The following GALNTL6 variants were observed in gnomAD, a reference collection of about 807,000 sequenced individuals.
The protein encoded by GALNTL6 is polypeptide N-acetylgalactosaminyltransferase-like 6.
Under a neutral mutation model 73.7 loss-of-function variants are expected in GALNTL6, and 46 were observed. That is an observed-to-expected ratio of 0.62 (90% CI 0.49 to 0.80). GALNTL6 has a LOEUF of 0.80. Ranked by LOEUF, GALNTL6 falls within the 30% of genes least tolerant of loss-of-function variation. The pLI is 0.00. For synonymous variants in GALNTL6, 259 were observed against 263.7 expected (o/e 0.98, Z 0.17); for missense variants, 604 against 755.0 (o/e 0.80, Z 2.34).
chr4:172,856,897 T>C (rs915030775), intron 7 of GALNTL6, among the ~76,000 whole-genome samples: 1 of 152,210 alleles, frequency 6.6e-6, no homozygotes, highest in Admixed American at 6.5e-5. Flanking sequence ...TTACCCTCCA[T>C]AATAGTGTAA....
intron 3 of GALNTL6, among the ~76,000 whole-genome samples, chr4:172,298,391 G>T (rs1037807424): frequency 9.9e-5 from 15 of 152,068 alleles, no homozygotes; most frequent in African/African-American, 1.9e-4. Flanking sequence ...CAACACTATG[G>T]TGAATAGGAG....
chr4:172,014,088 A>T (rs766677133), intron 2 of GALNTL6, among the ~76,000 whole-genome samples: 3 of 152,100 alleles, frequency 2.0e-5, no homozygotes, highest in Non-Finnish European at 4.4e-5. Flanking sequence ...TCCATTGTGC[A>T]TATATGCCAC....
At chr4:172,639,508 A>G (rs1021904970) in intron 5 of GALNTL6, among the ~76,000 whole-genome samples, 1 of 152,200 alleles carries the variant, frequency 6.6e-6, no homozygotes, top group Non-Finnish European at 1.5e-5. Flanking sequence ...ATTAAAAAAT[A>G]CATAAGCAAA....
At chr4:173,034,277 C>T (rs1039997490) in intron 12 of GALNTL6, among the ~76,000 whole-genome samples, 3 of 152,186 alleles carry the variant, frequency 2.0e-5, no homozygotes, top group Non-Finnish European at 4.4e-5. Context: ...ATCCCTCCTC[C>T]ATCTTCCTCA....
At chr4:172,042,864 TAAAAAAA>T (rs397996272) in intron 2 of GALNTL6, among the ~76,000 whole-genome samples, 6 of 44,400 alleles carry the variant, frequency 1.4e-4, no homozygotes, top group African/African-American at 1.7e-4. Flanking sequence ...TCTTTAACAG[TAAAAAAA>T]AAAAAAAAAA....
chr4:172,078,313 C>T (rs780066617), intron 2 of GALNTL6, among the ~76,000 whole-genome samples: 1 of 152,158 alleles, frequency 6.6e-6, no homozygotes, highest in Non-Finnish European at 1.5e-5. Context: ...CTCACTCTCT[C>T]TCCTGTCACC....
intron 4 of GALNTL6, among the ~76,000 whole-genome samples, chr4:172,321,253 G>T (rs1337565342): frequency 6.6e-6 from 1 of 152,062 alleles, no homozygotes; most frequent in Non-Finnish European, 1.5e-5. Context: ...GTTGGGGGTT[G>T]GGGACTACTC....
chr4:171,912,693 C>T (rs187862751), intron 2 of GALNTL6, among the ~76,000 whole-genome samples: 1 of 152,064 alleles, frequency 6.6e-6, no homozygotes, highest in Non-Finnish European at 1.5e-5. Context: ...TTTTCTTCAC[C>T]CCTCTCCTTC....
rs1753853878 is a variant in GALNTL6, at chr4:173,040,324, C to T, written c.*224C>T. On this transcript the variant is annotated 3_prime_UTR_variant, in exon 13 of 13. Transcript: ENST00000506823. ...TTCTGAGAACTCGAGACTAGCAGTT[C>T]CCTTGCTGGCCAAGGGCAAAGATAA... 4.0e-6 allele frequency: 2 copies of T among 504,662 alleles called. No homozygotes were observed. Among genetic ancestry groups the T allele is most frequent in the East Asian group, 3.4e-5 (1 of 29,474 alleles). The allele number at this position is 504,662 out of a possible 1,614,324, so 31.3% of individuals were successfully genotyped here. A position where few individuals can be genotyped will look rare whatever the true frequency, so the allele number is the denominator to read the frequency against.
intron 4 of GALNTL6, among the ~76,000 whole-genome samples, chr4:172,343,020 A>G (rs191014844): frequency 6.6e-6 from 1 of 152,290 alleles, no homozygotes; most frequent in Admixed American, 6.5e-5. Context: ...CCTCCTTCCA[A>G]CTAGTGTTGA....
intron 5 of GALNTL6, among the ~76,000 whole-genome samples, chr4:172,758,745 G>A (rs1335849106): frequency 3.9e-5 from 6 of 152,160 alleles, no homozygotes; most frequent in Admixed American, 1.3e-4. Flanking sequence ...GTCCTACCCA[G>A]GACATGAATC....
At chr4:172,672,560 A>G (rs930704828) in intron 5 of GALNTL6, among the ~76,000 whole-genome samples, 1 of 152,134 alleles carries the variant, frequency 6.6e-6, no homozygotes, top group Non-Finnish European at 1.5e-5. Context: ...CCTCCTCCTC[A>G]ATTTTTTGGA....
chr4:172,442,383 A>G lies in GALNTL6; in HGVS notation c.553+93694A>G, dbSNP rs369728108. On this transcript the variant is annotated intron_variant, in intron 5 of 12. Transcript: ENST00000506823. Reference sequence around the variant, plus strand: ...AGTGAAGCCAGCTTGCTTCTGCAGCACCATATTGAAACCAGAAGTAAGAAC... The same window carrying G: ...AGTGAAGCCAGCTTGCTTCTGCAGCGCCATATTGAAACCAGAAGTAAGAAC... Among the ~76,000 whole-genome samples, 16 of 152,314 alleles carry G rather than the reference A, an allele frequency of 1.1e-4. No homozygotes were observed. The East Asian group carries it at 2.9e-3, about 28-fold the overall frequency.
chr4:172,740,238 A>G (rs1736720727), intron 5 of GALNTL6, among the ~76,000 whole-genome samples: 1 of 152,212 alleles, frequency 6.6e-6, no homozygotes, highest in Non-Finnish European at 1.5e-5. Context: ...CCACACCAGG[A>G]ATTTCAACAG....
intron 2 of GALNTL6, among the ~76,000 whole-genome samples, chr4:172,010,323 C>T (rs1388801719): frequency 2.5e-4 from 3 of 12,020 alleles, no homozygotes; most frequent in African/African-American, 9.0e-4. Context: ...TTTTCCCTAA[C>T]CCCAAACACT....
intron 5 of GALNTL6, among the ~76,000 whole-genome samples, chr4:172,356,536 A>G (rs972858021): frequency 1.3e-5 from 2 of 152,202 alleles, no homozygotes; most frequent in Admixed American, 6.5e-5. Flanking sequence ...AAAAATATCA[A>G]TCTCTCAGCA....
chr4:172,561,379 C>A (rs1179108072), intron 5 of GALNTL6, among the ~76,000 whole-genome samples: 2 of 151,920 alleles, frequency 1.3e-5, no homozygotes, highest in African/African-American at 4.8e-5. Context: ...TCCTTACCCC[C>A]TGTTCTTTAA....
Position 171,995,005 on chromosome 4 carries a change from ACT to A in GALNTL6, c.138+180292_138+180293del, listed in dbSNP as rs1229381947. On this transcript the variant is annotated intron_variant, in intron 2 of 12. Coordinates refer to ENST00000506823, the MANE Select transcript of GALNTL6 (RefSeq NM_001034845.3). ...ATGATCAAATAAGACATAAAAATAA[ACT>A]CTCTAGAAATATATACAAAAAATGG... 2.6e-5 allele frequency among the ~76,000 whole-genome samples: 4 copies of A among 151,882 alleles called. No individual in the cohort carries two copies. In the South Asian group the frequency reaches 8.3e-4, roughly 31 times the overall value.
At chr4:172,045,851 C>T (rs1266032030) in intron 2 of GALNTL6, among the ~76,000 whole-genome samples, 1 of 151,704 alleles carries the variant, frequency 6.6e-6, no homozygotes, top group Admixed American at 6.6e-5. Flanking sequence ...TCCTCATTCC[C>T]CTGGTCACGC....
Sources: gnomAD v4.1 joint callset for allele counts (sites outside exome capture counted in the v4.1 genomes callset) on GRCh38, gnomAD v4.1.1 for gene constraint, MANE v1.5 for transcripts, NCBI Gene and HGNC (gene_info 2026-07-23, HGNC 2026-07-21) for gene names.